Variants in NFIA observed in about 807,000 individuals in gnomAD.
NFIA encodes nuclear factor I A, also known as nuclear factor 1 A-type.
Under a neutral mutation model 62.8 loss-of-function variants are expected in NFIA, and 8 were observed. That is an observed-to-expected ratio of 0.13 (90% confidence interval 0.07 to 0.23). The LOEUF (loss-of-function observed/expected upper bound fraction) is 0.23. NFIA is among the 10% of genes least tolerant of loss of function. The probability of loss-of-function intolerance (pLI) is 1.00; values close to 1 mark genes in which losing one functional copy is unlikely to be tolerated. For synonymous variants in NFIA, 235 were observed against 238.1 expected (o/e 0.99, Z 0.12); for missense variants, 410 against 642.1 (o/e 0.64, Z 3.91).
intron 2 of NFIA, chr1:61,251,470 G>C (rs1329665249): frequency 6.6e-6 from 1 of 152,144 alleles, no homozygotes; most frequent in Non-Finnish European, 1.5e-5. Flanking sequence ...ATAAATGCTA[G>C]CTGTTACTGT....
At chr1:61,382,261 A>G (rs1206890934) in intron 6 of NFIA, among the ~76,000 whole-genome samples, 1 of 152,218 alleles carries the variant, frequency 6.6e-6, no homozygotes, top group East Asian at 1.9e-4. Flanking sequence ...CGAGAACATT[A>G]CAAATCCAGT....
At chr1:61,108,998 C>T (rs530992074) in intron 2 of NFIA, among the ~76,000 whole-genome samples, 10 of 151,920 alleles carry the variant, frequency 6.6e-5, no homozygotes, top group Admixed American at 3.3e-4. Flanking sequence ...ATATTTCATA[C>T]TGATGAGATT....
At position 61,092,452 on chromosome 1, in the gene NFIA, C is replaced by T. The variant is rs570485851; in HGVS notation, c.559+3772C>T. On this transcript the variant is annotated intron_variant, in intron 2 of 10. Coordinates refer to ENST00000403491, the MANE Select transcript of NFIA (RefSeq NM_001134673.4). ...TGCTTCCATGCTGCTACCATTATTA[C>T]CTTTACTTAATTTTGCTTGCATCAG... Among the ~76,000 whole-genome samples, 3 of 152,226 alleles carry T rather than the reference C, an allele frequency of 2.0e-5. No homozygotes were observed. The South Asian group carries it at 6.2e-4, about 32-fold the overall frequency.
chr1:61,157,244 A>G (rs1311940981), intron 2 of NFIA, among the ~76,000 whole-genome samples: 1 of 152,154 alleles, frequency 6.6e-6, no homozygotes, highest in Non-Finnish European at 1.5e-5. Context: ...TCACAAAGTG[A>G]TTGTTTTCTT....
At chr1:61,435,970 A>G (rs1667309563) in intron 10 of NFIA, among the ~76,000 whole-genome samples, 2 of 152,062 alleles carry the variant, frequency 1.3e-5, no homozygotes, top group African/African-American at 2.4e-5. Context: ...TGTAGATGCT[A>G]TGTGCGTGAC....
intron 2 of NFIA, among the ~76,000 whole-genome samples, chr1:61,111,351 G>C (rs113194032): frequency 4.1e-4 from 63 of 152,114 alleles, no homozygotes; most frequent in African/African-American, 1.4e-3. Context: ...TCTTACTTAG[G>C]ACTTTTTGTT....
At chr1:61,176,956 A>G (rs1387607475) in intron 2 of NFIA, among the ~76,000 whole-genome samples, 1 of 152,088 alleles carries the variant, frequency 6.6e-6, no homozygotes, top group Non-Finnish European at 1.5e-5. Context: ...TACAAAAAAA[A>G]TTAGCTGGGC....
chr1:61,118,663 TG>T (rs1480415574), intron 2 of NFIA, among the ~76,000 whole-genome samples: 2 of 380 alleles, frequency 5.3e-3, no homozygotes, highest in Non-Finnish European at 0.013. Flanking sequence ...GGGATGAGTG[TG>T]TGTGTGTGTG....
rs546088687 is a variant in NFIA at position 61,287,313 on chromosome 1, T to A, written c.625+9728T>A. The stretch of plus-strand genomic sequence containing the variant: ...TTTTAGTACCTCCAAAGGTTTTCCC[T>A]CGTGCATATTACTAAAAGCCAAGTT... On this transcript the variant is annotated intron_variant, in intron 3 of 10. Coordinates refer to ENST00000403491, the MANE Select transcript of NFIA (RefSeq NM_001134673.4). Among the ~76,000 whole-genome samples the A allele has an allele frequency of 5.9e-5, 9 of 152,320 alleles. No homozygotes were observed. The South Asian group carries it at 1.9e-3, about 32-fold the overall frequency.
Position 61,406,544 on chromosome 1 carries a change from C to CGCG in NFIA, c.1255-18_1255-17insGCG. On this transcript the variant is annotated splice_polypyrimidine_tract_variant and intron_variant, in intron 8 of 10. Coordinates refer to ENST00000403491, the MANE Select transcript of NFIA (RefSeq NM_001134673.4). ...CTTTTTCTTGTACGTGTGTTTTCTG[C>CGCG]CCCCCCCCCCCCCACAGCCCAATGG... 1.3e-5 allele frequency: 1 copy of CGCG among 79,278 alleles called. No homozygotes were observed. The highest frequency in any genetic ancestry group is 2.0e-5 in the Non-Finnish European group (1 of 49,446). The allele number at this position is 79,278 out of a possible 1,614,324, so 4.9% of individuals were successfully genotyped here.
chr1:61,339,544 C>A (rs1463090066), intron 4 of NFIA, among the ~76,000 whole-genome samples: 1 of 152,122 alleles, frequency 6.6e-6, no homozygotes, highest in African/African-American at 2.4e-5. Flanking sequence ...AACAGTCTGG[C>A]TGGCTTAATT....
At chr1:61,368,097 C>T (rs1663688456) in intron 6 of NFIA, among the ~76,000 whole-genome samples, 2 of 152,194 alleles carry the variant, frequency 1.3e-5, no homozygotes, top group African/African-American at 2.4e-5. Flanking sequence ...CTCAGGAAAA[C>T]AGATGCTGCA....
chr1:61,380,622 C>G (rs1275891916), intron 6 of NFIA, among the ~76,000 whole-genome samples: 1 of 152,074 alleles, frequency 6.6e-6, no homozygotes, highest in Non-Finnish European at 1.5e-5. Flanking sequence ...CCAAAACATA[C>G]ATTATGTATG....
At chr1:61,429,766 A>G (rs1222479275) in intron 10 of NFIA, among the ~76,000 whole-genome samples, 1 of 152,260 alleles carries the variant, frequency 6.6e-6, no homozygotes, top group Non-Finnish European at 1.5e-5. Context: ...GACATATGCC[A>G]CAACGTGGAT....
chr1:61,158,272 G>A (rs1465574948), intron 2 of NFIA, among the ~76,000 whole-genome samples: 2 of 152,040 alleles, frequency 1.3e-5, no homozygotes, highest in Non-Finnish European at 2.9e-5. Context: ...TACTAGATGT[G>A]CATCTTTCTT....
intron 2 of NFIA, among the ~76,000 whole-genome samples, chr1:61,158,736 C>T (rs1648979671): frequency 6.6e-6 from 1 of 152,162 alleles, no homozygotes; most frequent in South Asian, 2.1e-4. Context: ...GGTTGATTTG[C>T]TGTCATTAGA....
chr1:61,378,389 G>A (rs752772972), intron 6 of NFIA, among the ~76,000 whole-genome samples: 21 of 152,078 alleles, frequency 1.4e-4, no homozygotes, highest in African/African-American at 1.9e-4. Flanking sequence ...ACGTCTTACC[G>A]TTTTCTCTAG....
At chr1:61,347,826 G>A (rs904247161) in intron 4 of NFIA, among the ~76,000 whole-genome samples, 1 of 152,194 alleles carries the variant, frequency 6.6e-6, no homozygotes, top group African/African-American at 2.4e-5. Context: ...ATATGTGGGA[G>A]TCAGTGTGGC....
chr1:61,079,601 G>A (rs779419761), upstream of NFIA, among the ~76,000 whole-genome samples: 1 of 152,164 alleles, frequency 6.6e-6, no homozygotes, highest in African/African-American at 2.4e-5. Flanking sequence ...GATTGGAGAG[G>A]TTATTTCCAA....
Sources: gnomAD v4.1 joint callset for allele counts (sites outside exome capture counted in the v4.1 genomes callset) on GRCh38, gnomAD v4.1.1 for gene constraint, MANE v1.5 for transcripts, NCBI Gene and HGNC (gene_info 2026-07-23, HGNC 2026-07-21) for gene names.